Variants in ADGRB3 observed in about 807,000 individuals in gnomAD.
The protein encoded by ADGRB3 is adhesion G protein-coupled receptor B3.
In ADGRB3, 37 loss-of-function variants were observed where a neutral mutation model predicts 193.4. The ratio of observed to expected loss-of-function variants is 0.19; its 90% CI spans 0.15 to 0.25. ADGRB3 has a LOEUF of 0.25. Among genes scored for constraint, ADGRB3 ranks in the 10% least tolerant of loss-of-function variants. The probability of loss-of-function intolerance (pLI) is 1.00; values close to 1 mark genes in which losing one functional copy is unlikely to be tolerated. For missense variants in ADGRB3, 1,637 were observed against 1,852.9 expected, an observed-to-expected ratio of 0.88 and a Z score of 2.14; for synonymous variants, 690 against 644.2, an observed-to-expected ratio of 1.07 and a Z score of -1.08.
At chr6:68,907,657 C>T (rs1766585444) in intron 3 of ADGRB3, among the ~76,000 whole-genome samples, 1 of 151,862 alleles carries the variant, frequency 6.6e-6, no homozygotes, top group Non-Finnish European at 1.5e-5. Flanking sequence ...AATGTTAATA[C>T]CTATCTTAAT....
At chr6:69,202,570 C>A (rs1256724738) in intron 17 of ADGRB3, among the ~76,000 whole-genome samples, 1 of 152,014 alleles carries the variant, frequency 6.6e-6, no homozygotes, top group Non-Finnish European at 1.5e-5. Context: ...CAGGTAGACT[C>A]GAATGTATTC....
At chr6:69,345,506 C>T (rs1392112440) in intron 26 of ADGRB3, among the ~76,000 whole-genome samples, 1 of 152,150 alleles carries the variant, frequency 6.6e-6, no homozygotes, top group African/African-American at 2.4e-5. Context: ...ACAAAAACCA[C>T]ATGATTATCT....
intron 3 of ADGRB3, among the ~76,000 whole-genome samples, chr6:68,699,476 T>G (rs989705228): frequency 3.3e-5 from 5 of 151,996 alleles, no homozygotes; most frequent in African/African-American, 1.2e-4. Flanking sequence ...TTTTTTAATA[T>G]TTTGAGACAT....
At chr6:68,772,874 CAA>C (rs1766648196) in intron 3 of ADGRB3, among the ~76,000 whole-genome samples, 1 of 12,540 alleles carries the variant, frequency 8.0e-5, no homozygotes. Flanking sequence ...AACAAACAAA[CAA>C]ACAAACAAAA....
intron 3 of ADGRB3, among the ~76,000 whole-genome samples, chr6:68,684,626 A>G (rs189072264): frequency 6.6e-6 from 1 of 152,228 alleles, no homozygotes; most frequent in African/African-American, 2.4e-5. Context: ...ATTGGGAGAA[A>G]AATGAGTGCA....
intron 17 of ADGRB3, chr6:69,232,964 C>T: frequency 2.3e-6 from 1 of 435,076 alleles, no homozygotes; most frequent in Non-Finnish European, 4.1e-6. Flanking sequence ...AAGTGGCTGC[C>T]AACGCTCTGG....
chr6:69,386,682 C>T (rs1770078008), intron 31 of ADGRB3, among the ~76,000 whole-genome samples: 1 of 152,000 alleles, frequency 6.6e-6, no homozygotes, highest in Admixed American at 6.6e-5. Flanking sequence ...CATGGCTTTC[C>T]CGTCTCCGTG....
intron 3 of ADGRB3, among the ~76,000 whole-genome samples, chr6:68,848,976 A>G (rs1458839331): frequency 6.6e-6 from 1 of 152,028 alleles, no homozygotes; most frequent in South Asian, 2.1e-4. Context: ...CCATTCCTGA[A>G]ATTGGAAGGA....
intron 3 of ADGRB3, among the ~76,000 whole-genome samples, chr6:68,801,156 CT>C (rs1341292215): frequency 6.6e-6 from 1 of 152,132 alleles, no homozygotes; most frequent in Non-Finnish European, 1.5e-5. Context: ...AAACTTAGTC[CT>C]CCTCCTCTGT....
At chr6:68,674,210 T>C (rs1658751476) in intron 3 of ADGRB3, among the ~76,000 whole-genome samples, 1 of 152,150 alleles carries the variant, frequency 6.6e-6, no homozygotes, top group African/African-American at 2.4e-5. Flanking sequence ...CTGATGTTAA[T>C]AGTGTGCTTT....
chr6:68,849,833 T>C (rs1768361223), intron 3 of ADGRB3, among the ~76,000 whole-genome samples: 1 of 151,894 alleles, frequency 6.6e-6, no homozygotes, highest in East Asian at 1.9e-4. Flanking sequence ...TTCAATCAAA[T>C]GTGTCAACTT....
At chr6:69,119,432 A>G (rs535449209) in intron 17 of ADGRB3, among the ~76,000 whole-genome samples, 1 of 152,346 alleles carries the variant, frequency 6.6e-6, no homozygotes, top group African/African-American at 2.4e-5. Context: ...AAAAACCATA[A>G]TAAATAAGCA....
At chr6:69,168,002 G>T (rs1000297117) in intron 17 of ADGRB3, among the ~76,000 whole-genome samples, 1 of 152,140 alleles carries the variant, frequency 6.6e-6, no homozygotes, top group Non-Finnish European at 1.5e-5. Flanking sequence ...AATGAGAAAC[G>T]ATGTATGATC....
intron 3 of ADGRB3, among the ~76,000 whole-genome samples, chr6:68,770,035 C>T (rs1766585531): frequency 6.6e-6 from 1 of 152,122 alleles, no homozygotes; most frequent in African/African-American, 2.4e-5. Flanking sequence ...TCATTTTCAA[C>T]TGACAACCAC....
intron 3 of ADGRB3, among the ~76,000 whole-genome samples, chr6:68,883,792 G>T (rs975814536): frequency 6.6e-6 from 1 of 152,102 alleles, no homozygotes; most frequent in Non-Finnish European, 1.5e-5. Flanking sequence ...CACCGCCAGG[G>T]TCTGCGGCTT....
chr6:69,200,061 G>C (rs1322823818), intron 17 of ADGRB3, among the ~76,000 whole-genome samples: 1 of 151,936 alleles, frequency 6.6e-6, no homozygotes, highest in Non-Finnish European at 1.5e-5. Context: ...AAGATTGCTA[G>C]AGCTTGATGT....
chr6:68,760,234 A>G (rs1411877431), intron 3 of ADGRB3, among the ~76,000 whole-genome samples: 7 of 152,162 alleles, frequency 4.6e-5, no homozygotes, highest in African/African-American at 1.7e-4. Flanking sequence ...AATGTGAATT[A>G]TTTCTGAAAA....
At chr6:69,380,757 AATT>A (rs974123778) in intron 30 of ADGRB3, among the ~76,000 whole-genome samples, 1 of 151,848 alleles carries the variant, frequency 6.6e-6, no homozygotes, top group African/African-American at 2.4e-5. Flanking sequence ...CATTTATTTG[AATT>A]ATTATGGCTG....
intron 20 of ADGRB3, among the ~76,000 whole-genome samples, chr6:69,319,336 T>A (rs751230127): frequency 6.6e-6 from 1 of 151,362 alleles, no homozygotes; most frequent in Non-Finnish European, 1.5e-5. Context: ...AAATGTCCTG[T>A]GTATTATAAA....
Sources: allele counts gnomAD v4.1 joint callset (sites outside exome capture counted in the v4.1 genomes callset), GRCh38; gene constraint gnomAD v4.1.1; transcripts MANE v1.5; gene names NCBI Gene and HGNC (gene_info 2026-07-23, HGNC 2026-07-21).